Variants in ANGPT2 observed in about 807,000 individuals in gnomAD.
The protein encoded by ANGPT2 is angiopoietin 2.
Under a neutral mutation model 62.9 loss-of-function variants are expected in ANGPT2, and 28 were observed. The ratio of observed to expected loss-of-function variants is 0.44; its 90% CI spans 0.33 to 0.61. The LOEUF (loss-of-function observed/expected upper bound fraction) is 0.61, where lower values mean the gene tolerates loss of function less well. ANGPT2 is among the 20% of genes least tolerant of loss of function. ANGPT2 has a pLI of 0.03. For missense variants in ANGPT2, 727 were observed against 594.9 expected, an observed-to-expected ratio of 1.22 and a Z score of -2.31; for synonymous variants, 284 against 207.8, an observed-to-expected ratio of 1.37 and a Z score of -3.15.
intron 1 of ANGPT2, among the ~76,000 whole-genome samples, chr8:6,536,751 T>A (rs1820576788): frequency 6.6e-6 from 1 of 152,142 alleles, no homozygotes; most frequent in African/African-American, 2.4e-5. Context: ...AGAACAAACC[T>A]AGAAACAAAG....
At chr8:6,560,687 A>G (rs570823506) in intron 1 of ANGPT2, among the ~76,000 whole-genome samples, 1 of 152,348 alleles carries the variant, frequency 6.6e-6, no homozygotes, top group Admixed American at 6.5e-5. Context: ...CTGCTGTTCA[A>G]ATATTGACTA....
At chr8:6,552,110 G>C (rs192869335) in intron 1 of ANGPT2, among the ~76,000 whole-genome samples, 1 of 152,278 alleles carries the variant, frequency 6.6e-6, no homozygotes, top group Non-Finnish European at 1.5e-5. Flanking sequence ...AAGAAATTCT[G>C]AATCTTTTCT....
chr8:6,512,594 G>T (rs1306821908), intron 7 of ANGPT2, among the ~76,000 whole-genome samples: 2 of 152,140 alleles, frequency 1.3e-5, no homozygotes, highest in Non-Finnish European at 2.9e-5. Context: ...TCACTTCTCT[G>T]CCCCTCCCGT....
At chr8:6,521,985 C>T (rs1431423342) in intron 3 of ANGPT2, among the ~76,000 whole-genome samples, 4 of 152,162 alleles carry the variant, frequency 2.6e-5, no homozygotes, top group Non-Finnish European at 5.9e-5. Context: ...TCACCCTATG[C>T]GTTAATGTCC....
chr8:6,554,153 G>T (rs1824166739), intron 1 of ANGPT2, among the ~76,000 whole-genome samples: 1 of 150,180 alleles, frequency 6.7e-6, no homozygotes, highest in Non-Finnish European at 1.5e-5. Flanking sequence ...TAGACTAATA[G>T]TAGTCTTATC....
chr8:6,559,441 TAAAG>T (rs1166898470), intron 1 of ANGPT2, among the ~76,000 whole-genome samples: 1 of 152,168 alleles, frequency 6.6e-6, no homozygotes, highest in Non-Finnish European at 1.5e-5. Flanking sequence ...TTATTACTTT[TAAAG>T]AAAGAAAAGG....
intron 5 of ANGPT2, among the ~76,000 whole-genome samples, chr8:6,517,414 G>T (rs545870380): frequency 6.6e-6 from 1 of 152,234 alleles, no homozygotes; most frequent in East Asian, 1.9e-4. Flanking sequence ...GGAAGGAAAT[G>T]ACCATACATG....
At chr8:6,554,568 T>C (rs1824256964) in intron 1 of ANGPT2, among the ~76,000 whole-genome samples, 1 of 152,250 alleles carries the variant, frequency 6.6e-6, no homozygotes, top group Non-Finnish European at 1.5e-5. Flanking sequence ...TTAATGTATA[T>C]TTTTAATTTG....
chr8:6,532,974 G>A (rs923765282), intron 1 of ANGPT2, among the ~76,000 whole-genome samples: 3 of 152,236 alleles, frequency 2.0e-5, no homozygotes, highest in Non-Finnish European at 2.9e-5. Context: ...CAGCATATAA[G>A]GAGAGGAGCA....
At chr8:6,561,960 G>A (rs1221423435) in intron 1 of ANGPT2, among the ~76,000 whole-genome samples, 1 of 152,122 alleles carries the variant, frequency 6.6e-6, no homozygotes, top group Admixed American at 6.5e-5. Flanking sequence ...CCCACGTGGG[G>A]ACGCATTCCG....
Position 6,501,824 on chromosome 8 carries a change from G to A in ANGPT2, c.*1277C>T, listed in dbSNP as rs968268735. The stretch of plus-strand genomic sequence containing the variant: ...TGCCCACCTTGCCTACCAATGTACT[G>A]GGATTATAGGTGTGAGCCACTGCGC... On this transcript the variant is annotated 3_prime_UTR_variant, in exon 9 of 9. Transcript: ENST00000629816. The A allele has an allele frequency of 5.3e-5, 8 of 151,912 alleles. No individual in the cohort carries two copies. The highest frequency in any genetic ancestry group is 1.5e-4 in the African/African-American group (6 of 41,358). The allele number at this position is 151,912 out of a possible 1,614,324, so 9.4% of individuals were successfully genotyped here. A position where few individuals can be genotyped will look rare whatever the true frequency, so the allele number is the denominator to read the frequency against.
intron 1 of ANGPT2, among the ~76,000 whole-genome samples, chr8:6,533,625 T>C (rs1198025177): frequency 8.0e-5 from 12 of 149,558 alleles, no homozygotes; most frequent in African/African-American, 2.9e-4. Flanking sequence ...ATTCTTCCAT[T>C]CCCTGGTCCA....
chr8:6,504,585 C>G (rs1019691991), intron 8 of ANGPT2, among the ~76,000 whole-genome samples: 2 of 152,058 alleles, frequency 1.3e-5, no homozygotes, highest in East Asian at 1.9e-4. Context: ...AGTGATGATG[C>G]TGGCAATTCA....
Position 6,501,357 on chromosome 8 carries a change from C to A in ANGPT2, c.*1744G>T, listed in dbSNP as rs1023043493. 6.6e-6 allele frequency: 1 copy of A among 152,126 alleles called. No individual in the cohort carries two copies. The highest frequency in any genetic ancestry group is 2.4e-5 in the African/African-American group (1 of 41,426). The allele number at this position is 152,126 out of a possible 1,614,324, so 9.4% of individuals were successfully genotyped here. A position where few individuals can be genotyped will look rare whatever the true frequency, so the allele number is the denominator to read the frequency against. On this transcript the variant is annotated 3_prime_UTR_variant, in exon 9 of 9. Transcript: ENST00000629816. ...ACAGACATATAGTAGATGCTAGTTA[C>A]AGACTGGACTCTGAACTTCCTTGCA...
At chr8:6,519,398 G>T (rs1439987725) in intron 5 of ANGPT2, among the ~76,000 whole-genome samples, 1 of 152,146 alleles carries the variant, frequency 6.6e-6, no homozygotes, top group Non-Finnish European at 1.5e-5. Flanking sequence ...AAGTCACTAT[G>T]CAGTCACACA....
chr8:6,526,148 G>C (rs888942375), intron 3 of ANGPT2, among the ~76,000 whole-genome samples: 5 of 151,638 alleles, frequency 3.3e-5, no homozygotes, highest in African/African-American at 9.7e-5. Flanking sequence ...CGCCAGGTAC[G>C]GTGGCTCATG....
At chr8:6,515,254 G>C (rs1436524936) in intron 5 of ANGPT2, among the ~76,000 whole-genome samples, 5 of 152,102 alleles carry the variant, frequency 3.3e-5, no homozygotes, top group Admixed American at 2.0e-4. Flanking sequence ...GATACTCTTT[G>C]ATCATAGGGT....
At chr8:6,552,707 C>A (rs1379536207) in intron 1 of ANGPT2, among the ~76,000 whole-genome samples, 1 of 152,114 alleles carries the variant, frequency 6.6e-6, no homozygotes, top group African/African-American at 2.4e-5. Flanking sequence ...TACAAGTTCA[C>A]TGATGTAGGT....
rs1812398011 is a variant in ANGPT2 at position 6,502,534 on chromosome 8, G to C, written c.*567C>G. 6.6e-6 allele frequency: 1 copy of C among 152,210 alleles called. No individual in the cohort carries two copies. The highest frequency in any genetic ancestry group is 2.1e-4 in the South Asian group (1 of 4,822). 9.4% of individuals were successfully genotyped at this position (152,210 alleles called of 1,614,324 possible). On this transcript the variant is annotated 3_prime_UTR_variant, in exon 9 of 9. Coordinates refer to ENST00000629816, the MANE Select transcript of ANGPT2 (RefSeq NM_001118887.2). ...AAATAAAAATTTAAAGCACCTAAGAGATGGAGTAAAAATGCACTAACTGTT... is the reference window on the plus strand; with the variant it reads ...AAATAAAAATTTAAAGCACCTAAGACATGGAGTAAAAATGCACTAACTGTT...
Sources: allele counts gnomAD v4.1 joint callset (sites outside exome capture counted in the v4.1 genomes callset), GRCh38; gene constraint gnomAD v4.1.1; transcripts MANE v1.5; gene names NCBI Gene and HGNC (gene_info 2026-07-23, HGNC 2026-07-21).